The following MDGA2 variants were observed in gnomAD, a reference collection of about 807,000 sequenced individuals.
MDGA2 encodes the protein MAM domain-containing glycosylphosphatidylinositol anchor protein 2.
MDGA2 carries 40 observed loss-of-function variants against 117.8 expected under a neutral mutation model. That is an observed-to-expected ratio of 0.34 (90% CI 0.26 to 0.44). MDGA2 has a LOEUF of 0.44. Among genes scored for constraint, MDGA2 ranks in the 20% least tolerant of loss-of-function variants. MDGA2 has a pLI of 1.00. For synonymous variants in MDGA2, 452 were observed against 439.0 expected, an observed-to-expected ratio of 1.03 and a Z score of -0.37; for missense variants, 1,123 against 1,250.6, an observed-to-expected ratio of 0.90 and a Z score of 1.54.
At chr14:47,208,969 G>T (rs1007438942) in intron 3 of MDGA2, among the ~76,000 whole-genome samples, 3 of 149,074 alleles carry the variant, frequency 2.0e-5, no homozygotes, top group African/African-American at 7.3e-5. Context: ...GTATTCCTGA[G>T]AATACGTTTG....
At chr14:47,466,904 C>A (rs1007833162) in intron 1 of MDGA2, among the ~76,000 whole-genome samples, 4 of 151,892 alleles carry the variant, frequency 2.6e-5, no homozygotes, top group African/African-American at 9.7e-5. Flanking sequence ...TTGCACTTTA[C>A]CGGGCACAAT....
At chr14:47,579,127 T>C (rs940641270) in intron 1 of MDGA2, among the ~76,000 whole-genome samples, 3 of 152,108 alleles carry the variant, frequency 2.0e-5, no homozygotes, top group Non-Finnish European at 2.9e-5. Flanking sequence ...TATTGAAACA[T>C]ACTAACCTCT....
intron 8 of MDGA2, among the ~76,000 whole-genome samples, chr14:46,987,630 C>T (rs749145774): frequency 3.3e-5 from 5 of 152,024 alleles, no homozygotes; most frequent in East Asian, 1.9e-4. Flanking sequence ...TGTATCTCAC[C>T]GTTTTTGTTT....
intron 2 of MDGA2, among the ~76,000 whole-genome samples, chr14:47,251,147 C>G (rs1213131149): frequency 6.6e-6 from 1 of 152,178 alleles, no homozygotes; most frequent in Non-Finnish European, 1.5e-5. Context: ...CCTACAGAAA[C>G]TTTGACTTTC....
chr14:46,942,640 T>C (rs936565482), intron 9 of MDGA2, among the ~76,000 whole-genome samples: 1 of 152,166 alleles, frequency 6.6e-6, no homozygotes, highest in Non-Finnish European at 1.5e-5. Flanking sequence ...AGGAAATTCA[T>C]ATAAATGAAA....
chr14:46,964,837 G>A (rs951658312), intron 8 of MDGA2, among the ~76,000 whole-genome samples: 2 of 151,366 alleles, frequency 1.3e-5, no homozygotes, highest in South Asian at 2.1e-4. Flanking sequence ...TCTTACAAAA[G>A]GAGAAATTTC....
intron 1 of MDGA2, among the ~76,000 whole-genome samples, chr14:47,428,749 ATATT>A (rs1404545668): frequency 1.3e-5 from 2 of 151,998 alleles, no homozygotes; most frequent in African/African-American, 4.8e-5. Flanking sequence ...TGTTACACAT[ATATT>A]TGTGTATACA....
At chr14:47,538,168 C>T (rs933339562) in intron 1 of MDGA2, among the ~76,000 whole-genome samples, 1 of 152,128 alleles carries the variant, frequency 6.6e-6, no homozygotes, top group Non-Finnish European at 1.5e-5. Context: ...CGAATCTGTG[C>T]TAGCACGTTG....
intron 1 of MDGA2, among the ~76,000 whole-genome samples, chr14:47,629,360 T>C (rs1897212401): frequency 6.6e-6 from 1 of 152,220 alleles, no homozygotes; most frequent in Admixed American, 6.5e-5. Flanking sequence ...TTTAAAAATT[T>C]ATTAACTATT....
At chr14:47,621,749 A>G (rs1485025521) in intron 1 of MDGA2, among the ~76,000 whole-genome samples, 1 of 152,224 alleles carries the variant, frequency 6.6e-6, no homozygotes, top group Non-Finnish European at 1.5e-5. Flanking sequence ...GGACTAAGAC[A>G]TATCTTGAGT....
chr14:47,435,463 AGC>A (rs1023663352), intron 1 of MDGA2, among the ~76,000 whole-genome samples: 110 of 152,226 alleles, frequency 7.2e-4, no homozygotes, highest in African/African-American at 2.6e-3. Flanking sequence ...GGACCACAGC[AGC>A]ATGTCTGAGC....
intron 6 of MDGA2, among the ~76,000 whole-genome samples, chr14:47,080,996 C>A (rs1332186069): frequency 6.6e-6 from 1 of 152,112 alleles, no homozygotes; most frequent in Non-Finnish European, 1.5e-5. Context: ...CTAGTTACTT[C>A]CACGATCTGC....
At position 47,370,247 on chromosome 14, in the gene MDGA2, G is replaced by C. The variant is rs140553969; in HGVS notation, c.281-68697C>G. On this transcript the variant is annotated intron_variant, in intron 1 of 16. Transcript: ENST00000399232. ...TTACTCTTAGAAAATTTGCATTCCA[G>C]GGGAAGAGAAAATAACAAATAATTA... Among the ~76,000 whole-genome samples, 4 of 151,016 alleles carry C rather than the reference G, an allele frequency of 2.6e-5. No individual in the cohort carries two copies. The East Asian group carries it at 7.8e-4, about 29-fold the overall frequency.
chr14:47,380,579 T>C (rs1425255175), intron 1 of MDGA2, among the ~76,000 whole-genome samples: 1 of 152,036 alleles, frequency 6.6e-6, no homozygotes, highest in African/African-American at 2.4e-5. Context: ...CAGAGAATAC[T>C]ACAAACACCT....
At chr14:47,038,699 C>A (rs77973469) in intron 7 of MDGA2, among the ~76,000 whole-genome samples, 1 of 151,660 alleles carries the variant, frequency 6.6e-6, no homozygotes, top group Non-Finnish European at 1.5e-5. Context: ...GTACTTTGGG[C>A]GGCCGAGGAG....
chr14:47,135,312 A>T (rs1308535260), intron 4 of MDGA2, among the ~76,000 whole-genome samples: 1 of 152,172 alleles, frequency 6.6e-6, no homozygotes, highest in Non-Finnish European at 1.5e-5. Flanking sequence ...ATTCCTAGTG[A>T]AATCTGATCC....
At chr14:47,622,497 G>C (rs1271001687) in intron 1 of MDGA2, among the ~76,000 whole-genome samples, 1 of 152,242 alleles carries the variant, frequency 6.6e-6, no homozygotes, top group Non-Finnish European at 1.5e-5. Flanking sequence ...AATGGGAGGT[G>C]TGTAGATGAA....
At chr14:46,912,780 C>T (rs1883755176) in intron 10 of MDGA2, among the ~76,000 whole-genome samples, 1 of 152,162 alleles carries the variant, frequency 6.6e-6, no homozygotes, top group Non-Finnish European at 1.5e-5. Context: ...GAACCTTCTA[C>T]ATCAGTCAAG....
chr14:47,061,529 A>G lies in MDGA2; in HGVS notation c.1245T>C (p.Asp415=). The G allele has an allele frequency of 6.2e-7, 1 of 1,613,288 alleles. No individual in the cohort carries two copies. Among genetic ancestry groups the G allele is most frequent in the Non-Finnish European group, 8.5e-7 (1 of 1,179,528 alleles). ...CCTCACGGCCAATCTGGATGTTGTC[A>G]TCTTTGTGATAAGGATCTGGTGTGA... ...FWITPDPYHK[D]DNIQIGREVK... is the part of the protein sequence containing the mutation. The change falls in exon 7 of 17, where the codon GAT becomes GAC. Residue 415 remains aspartate (D), a synonymous_variant. Coordinates refer to ENST00000399232, the MANE Select transcript of MDGA2 (RefSeq NM_001113498.3).
Sources: gnomAD v4.1 joint callset for allele counts (sites outside exome capture counted in the v4.1 genomes callset) on GRCh38, gnomAD v4.1.1 for gene constraint, MANE v1.5 for transcripts, NCBI Gene and HGNC (gene_info 2026-07-23, HGNC 2026-07-21) for gene names.